Variants in MID2 observed in about 807,000 individuals in gnomAD.
MID2 encodes the protein midline 2, also known as probable E3 ubiquitin-protein ligase MID2.
A neutral mutation model predicts 46.1 loss-of-function variants in MID2; 13 were observed. The ratio of observed to expected loss-of-function variants is 0.28; its 90% CI spans 0.18 to 0.45. MID2 has a LOEUF of 0.45. Among genes scored for constraint, MID2 ranks in the 20% least tolerant of loss-of-function variants. The probability of loss-of-function intolerance (pLI) is 1.00; values close to 1 mark genes in which losing one functional copy is unlikely to be tolerated. For synonymous variants in MID2, 199 were observed against 212.3 expected, an observed-to-expected ratio of 0.94 and a Z score of 0.55; for missense variants, 431 against 575.4, an observed-to-expected ratio of 0.75 and a Z score of 2.57.
chrX:107,832,806 T>C (rs910814015), intron 1 of MID2, among the ~76,000 whole-genome samples: 1 of 112,300 alleles, frequency 8.9e-6, no homozygotes, highest in Non-Finnish European at 1.9e-5. Flanking sequence ...TCTTATCCTA[T>C]AGTGTGTGAA....
At chrX:107,916,167 T>A in intron 6 of MID2, 38 bp downstream of exon 6, 1 of 1,049,462 alleles carries the variant, frequency 9.5e-7, no homozygotes. Context: ...ATTTAATTTT[T>A]TTTCTTCTGG....
intron 2 of MID2, among the ~76,000 whole-genome samples, 181 bp downstream of exon 2, chrX:107,841,566 C>T (rs1158799952): frequency 8.9e-6 from 1 of 112,729 alleles, no homozygotes; most frequent in African/African-American, 3.2e-5. Context: ...GTTGCATAAA[C>T]ATTCTTGCAG....
chrX:107,826,305 G>A lies in MID2; in HGVS notation c.-122G>A. Reference sequence around the variant, plus strand: ...GCGGGCGGCGGCCTACAGTGGTAGCGGCGGCGGCGGCGACCGGGGCCCGGG... The same window carrying A: ...GCGGGCGGCGGCCTACAGTGGTAGCAGCGGCGGCGGCGACCGGGGCCCGGG... On this transcript the variant is annotated 5_prime_UTR_variant, in exon 1 of 10. Coordinates refer to ENST00000262843, the MANE Select transcript of MID2 (RefSeq NM_012216.4). 4 of 763,393 alleles carry A rather than the reference G, an allele frequency of 5.2e-6. No homozygotes were observed. The highest frequency in any genetic ancestry group is 6.9e-6 in the Non-Finnish European group (4 of 575,732). 62.9% of individuals were successfully genotyped at this position (763,393 alleles called of 1,213,427 possible). A position where few individuals can be genotyped will look rare whatever the true frequency, so the allele number is the denominator to read the frequency against.
chrX:107,898,719 C>T (rs1472349338), intron 3 of MID2, among the ~76,000 whole-genome samples: 1 of 111,616 alleles, frequency 9.0e-6, no homozygotes, highest in East Asian at 2.8e-4. Context: ...GTGGGAGACA[C>T]TCAATAAATG....
rs1470896104 is a variant in MID2, at chrX:107,860,095, CAA to C, written c.816+5393_816+5394del. 2.7e-5 allele frequency among the ~76,000 whole-genome samples: 3 copies of C among 111,609 alleles called. No individual in the cohort carries two copies. The East Asian group carries it at 8.4e-4, about 31-fold the overall frequency. On this transcript the variant is annotated intron_variant, in intron 3 of 9. Transcript: ENST00000262843. ...AAGGGTCCAGGGTAAAAAGTGAGGA[CAA>C]AGAGACCAGTTAGATTTTTACTGAT...
At chrX:107,865,230 C>G (rs1450663167) in intron 3 of MID2, among the ~76,000 whole-genome samples, 1 of 112,078 alleles carries the variant, frequency 8.9e-6, no homozygotes, top group East Asian at 2.8e-4. Context: ...TGCTTATGGT[C>G]TGGGTAAGGA....
chrX:107,833,837 A>G (rs1179626040), intron 1 of MID2, among the ~76,000 whole-genome samples: 4 of 111,326 alleles, frequency 3.6e-5, no homozygotes, highest in African/African-American at 1.3e-4. Flanking sequence ...GCTGTCACCC[A>G]GGATGGAATA....
At chrX:107,916,497 C>G (rs1379889273) in intron 6 of MID2, among the ~76,000 whole-genome samples, 1 of 111,123 alleles carries the variant, frequency 9.0e-6, no homozygotes, top group East Asian at 2.8e-4. Context: ...GTAAGTACAA[C>G]CAAAATGGTT....
At chrX:107,861,468 A>G (rs113393851) in intron 3 of MID2, among the ~76,000 whole-genome samples, 2,050 of 110,639 alleles carry the variant, frequency 0.019, 52 homozygotes, top group African/African-American at 0.063. Flanking sequence ...AAAAATACAA[A>G]AATTTGCCAG....
chrX:107,846,564 A>G (rs1432759687), intron 2 of MID2, among the ~76,000 whole-genome samples: 1 of 111,419 alleles, frequency 9.0e-6, no homozygotes, highest in Non-Finnish European at 1.9e-5. Flanking sequence ...TACATATTTC[A>G]TGTGTGTATG....
At chrX:107,873,681 G>A (rs1739734912) in intron 3 of MID2, among the ~76,000 whole-genome samples, 1 of 112,140 alleles carries the variant, frequency 8.9e-6, no homozygotes, top group Admixed American at 9.4e-5. Context: ...GAAATCTGAG[G>A]CTTTGTTGCT....
chrX:107,844,601 A>G (rs1931419592), intron 2 of MID2, among the ~76,000 whole-genome samples: 1 of 111,322 alleles, frequency 9.0e-6, no homozygotes, highest in Non-Finnish European at 1.9e-5. Flanking sequence ...AAAGAGGCCA[A>G]ATTTCGGTGA....
At chrX:107,911,522 G>A (rs1011169220) in intron 5 of MID2, among the ~76,000 whole-genome samples, 11 of 111,332 alleles carry the variant, frequency 9.9e-5, no homozygotes, top group East Asian at 2.8e-4. Context: ...TTGTGGATAC[G>A]AACTATTTGG....
chrX:107,849,301 T>C (rs1931557507), intron 2 of MID2, among the ~76,000 whole-genome samples: 1 of 111,863 alleles, frequency 8.9e-6, no homozygotes, highest in African/African-American at 3.3e-5. Flanking sequence ...AGTGCTCATA[T>C]ATGTGCGAAT....
intron 1 of MID2, among the ~76,000 whole-genome samples, chrX:107,827,347 A>G (rs1930978684): frequency 9.0e-6 from 1 of 110,676 alleles, no homozygotes. Flanking sequence ...ATCCCCCAGC[A>G]GAGCCCCTTG....
At chrX:107,884,109 T>A (rs754708537) in intron 3 of MID2, among the ~76,000 whole-genome samples, 1 of 112,247 alleles carries the variant, frequency 8.9e-6, no homozygotes, top group Non-Finnish European at 1.9e-5. Flanking sequence ...ATACACAAGT[T>A]ATAAGTTCCA....
At chrX:107,913,226 C>T (rs1302135199) in intron 5 of MID2, among the ~76,000 whole-genome samples, 2 of 111,688 alleles carry the variant, frequency 1.8e-5, no homozygotes, top group African/African-American at 3.3e-5. Context: ...AACAATGTAT[C>T]ACAAACTTTT....
chrX:107,849,714 A>G (rs1931568040), intron 2 of MID2, among the ~76,000 whole-genome samples: 2 of 112,663 alleles, frequency 1.8e-5, no homozygotes, highest in South Asian at 7.3e-4. Context: ...AAAATCTGTT[A>G]TGCAAATCAG....
chrX:107,878,012 G>A (rs1436914870), intron 3 of MID2, among the ~76,000 whole-genome samples: 14 of 96,325 alleles, frequency 1.5e-4, no homozygotes, highest in African/African-American at 4.9e-4. Context: ...AAAAAGAAAG[G>A]AAAAAAAAAA....
Sources: allele counts gnomAD v4.1 joint callset (sites outside exome capture counted in the v4.1 genomes callset), GRCh38; gene constraint gnomAD v4.1.1; transcripts MANE v1.5; gene names NCBI Gene and HGNC (gene_info 2026-07-23, HGNC 2026-07-21).